Variants in UGT1A9 observed in about 807,000 individuals in gnomAD.
The protein encoded by UGT1A9 is UDP glucuronosyltransferase family 1 member A9.
A neutral mutation model predicts 45.0 loss-of-function variants in UGT1A9; 35 were observed. The ratio of observed to expected loss-of-function variants is 0.78; its 90% confidence interval spans 0.59 to 1.03. The LOEUF (loss-of-function observed/expected upper bound fraction) is 1.03, where lower values mean the gene tolerates loss of function less well. UGT1A9 is among the 50% of genes least tolerant of loss of function. The pLI, the probability that UGT1A9 is intolerant of heterozygous loss-of-function variation, is 0.00. For missense variants in UGT1A9, 687 were observed against 666.6 expected, an observed-to-expected ratio of 1.03 and a Z score of -0.34; for synonymous variants, 278 against 250.6, an observed-to-expected ratio of 1.11 and a Z score of -1.03.
intron 1 of UGT1A9, chr2:233,729,683 A>G (rs997425766): frequency 5.0e-6 from 8 of 1,613,836 alleles, no homozygotes; most frequent in African/African-American, 1.3e-5. Context: ...AAGGGCACAC[A>G]GTGTCCAAAC....
intron 1 of UGT1A9, among the ~76,000 whole-genome samples, chr2:233,725,182 A>G (rs1185569328): frequency 3.4e-5 from 3 of 87,630 alleles, no homozygotes; most frequent in African/African-American, 2.7e-4. Flanking sequence ...CCGTGGGGAG[A>G]GGCAGAGGCA....
At chr2:233,722,845 C>CTT (rs61550889) in intron 1 of UGT1A9, among the ~76,000 whole-genome samples, 2,212 of 135,308 alleles carry the variant, frequency 0.016, 155 homozygotes, top group African/African-American at 0.055. Context: ...AAGAATGTTT[C>CTT]TTTTTTTTTT....
intron 1 of UGT1A9, among the ~76,000 whole-genome samples, chr2:233,695,422 CCTT>C (rs34487948): frequency 0.29 from 43,778 of 150,946 alleles, 6,669 homozygotes; most frequent in South Asian, 0.38. Context: ...CCGCGCCCGG[CCTT>C]CTTCTTCTTC....
intron 1 of UGT1A9, chr2:233,738,996 C>T (rs1041933241): frequency 6.6e-6 from 1 of 152,238 alleles, no homozygotes; most frequent in African/African-American, 2.4e-5. Context: ...GACTTGGTGC[C>T]CTGTGTCCCA....
rs768704616 is a variant in UGT1A9 at position 233,772,137 on chromosome 2, T to G, written c.1296-125T>G. On this transcript the variant is annotated intron_variant, in intron 4 of 4. Transcript: ENST00000354728. Reference sequence around the variant, plus strand: ...CTAAAAACAACAACAACAACAATAATAGAAACAGGTTTCCTTTCCCAAGTT... The same window carrying G: ...CTAAAAACAACAACAACAACAATAAGAGAAACAGGTTTCCTTTCCCAAGTT... 6.0e-5 allele frequency: 93 copies of G among 1,547,684 alleles called. 1 individual carries two copies. The highest frequency in any genetic ancestry group is 4.6e-4 in the Middle Eastern group (2 of 4,368).
rs1175463459 is a variant in UGT1A9 at position 233,690,472 on chromosome 2, A to G, written c.855+17683A>G. 6.2e-6 allele frequency: 8 copies of G among 1,289,120 alleles called. No homozygotes were observed. The Admixed American group carries it at 1.6e-4, about 26-fold the overall frequency. The allele number at this position is 1,289,120 out of a possible 1,614,324, so 79.9% of individuals were successfully genotyped here. The stretch of plus-strand genomic sequence containing the variant: ...TCAAAATGCCAGCTATCCTCCATTT[A>G]CTTTTTGGGAAATCTGCTCTTGCCA... On this transcript the variant is annotated intron_variant, in intron 1 of 4. Transcript: ENST00000354728.
chr2:233,736,028 C>T lies in UGT1A9; in HGVS notation c.856-31006C>T, dbSNP rs2078720719. 2.0e-5 allele frequency among the ~76,000 whole-genome samples: 3 copies of T among 152,098 alleles called. No homozygotes were observed. The South Asian group carries it at 6.2e-4, about 32-fold the overall frequency. ...TCGAGGAGTATCTTTGTGGTGTTCT[C>T]TGTATTTCCTGAATTTGAATGTTGG... is the stretch of plus-strand genomic sequence containing the variant. On this transcript the variant is annotated intron_variant, in intron 1 of 4. Transcript: ENST00000354728.
At chr2:233,682,687 T>G in intron 1 of UGT1A9, 2 of 1,613,824 alleles carry the variant, frequency 1.2e-6, no homozygotes, top group Non-Finnish European at 1.7e-6. Context: ...ACACATCAAT[T>G]TGGTTGTTGC....
chr2:233,756,694 GA>G (rs888439018), intron 1 of UGT1A9, among the ~76,000 whole-genome samples: 3 of 152,120 alleles, frequency 2.0e-5, no homozygotes, highest in Non-Finnish European at 2.9e-5. Flanking sequence ...TAATGACGAT[GA>G]ATTTTGGGGG....
intron 1 of UGT1A9, among the ~76,000 whole-genome samples, chr2:233,708,913 C>T (rs1033792363): frequency 6.6e-6 from 1 of 152,118 alleles, no homozygotes; most frequent in African/African-American, 2.4e-5. Context: ...TTAGGTATTG[C>T]TTGCTACAGA....
chr2:233,757,888 A>G (rs182101094), intron 1 of UGT1A9, among the ~76,000 whole-genome samples: 97 of 152,124 alleles, frequency 6.4e-4, no homozygotes, highest in African/African-American at 2.1e-3. Flanking sequence ...GGGTTCCAGA[A>G]ACACTTTCCA....
chr2:233,681,945 G>A (rs752380757), intron 1 of UGT1A9: 6 of 1,613,218 alleles, frequency 3.7e-6, no homozygotes, highest in Admixed American at 1.7e-5. Context: ...CTGATGGCTC[G>A]TGCAGGGTGG....
intron 1 of UGT1A9, chr2:233,729,685 T>C (rs1293517562): frequency 6.2e-7 from 1 of 1,613,978 alleles, no homozygotes; most frequent in Admixed American, 1.7e-5. Context: ...GGGCACACAG[T>C]GTCCAAACCC....
At chr2:233,724,233 G>T (rs1323099966) in intron 1 of UGT1A9, among the ~76,000 whole-genome samples, 1 of 126,056 alleles carries the variant, frequency 7.9e-6, no homozygotes, top group Non-Finnish European at 1.7e-5. Flanking sequence ...CAGTAGGGGC[G>T]GCCGGGCAGA....
chr2:233,672,820 A>T, intron 1 of UGT1A9, 31 bp downstream of exon 1: 1 of 1,579,740 alleles, frequency 6.3e-7, no homozygotes, highest in Non-Finnish European at 8.6e-7. Flanking sequence ...CACCTTAAGA[A>T]TACTTCACCT....
At chr2:233,719,033 A>C (rs754383567) in intron 1 of UGT1A9, 11 of 1,614,270 alleles carry the variant, frequency 6.8e-6, no homozygotes, top group Non-Finnish European at 9.3e-6. Flanking sequence ...ACATCAAAGA[A>C]GAGAAATTTT....
At chr2:233,686,292 G>A (rs1306668848) in intron 1 of UGT1A9, among the ~76,000 whole-genome samples, 1 of 151,296 alleles carries the variant, frequency 6.6e-6, no homozygotes, top group African/African-American at 2.4e-5. Flanking sequence ...ACTAAAACAA[G>A]AAAAACAAGA....
At chr2:233,692,915 C>T in intron 1 of UGT1A9, 1 of 1,562,208 alleles carries the variant, frequency 6.4e-7, no homozygotes, top group Non-Finnish European at 8.6e-7. Flanking sequence ...CTGTGAAAAG[C>T]AGTGGTTAGT....
chr2:233,752,614 C>T (rs567429559), intron 1 of UGT1A9: 24 of 152,230 alleles, frequency 1.6e-4, no homozygotes, highest in African/African-American at 5.8e-4. Context: ...AAAACATTAG[C>T]TAGGTGTGGT....
Sources: allele counts gnomAD v4.1 joint callset (sites outside exome capture counted in the v4.1 genomes callset), GRCh38; gene constraint gnomAD v4.1.1; transcripts MANE v1.5; gene names NCBI Gene and HGNC (gene_info 2026-07-23, HGNC 2026-07-21).